The following DPP6 variants were observed in gnomAD, a reference collection of about 807,000 sequenced individuals.
DPP6 encodes the protein A-type potassium channel modulatory protein DPP6.
A neutral mutation model predicts 122.6 loss-of-function variants in DPP6; 69 were observed. The ratio of observed to expected loss-of-function variants is 0.56; its 90% CI spans 0.46 to 0.69. The LOEUF is 0.69. Among genes scored for constraint, DPP6 ranks in the 30% least tolerant of loss-of-function variants. DPP6 has a pLI of 0.00. For synonymous variants in DPP6, 418 were observed against 433.1 expected (o/e 0.97, Z 0.43); for missense variants, 928 against 1,116.9 (o/e 0.83, Z 2.41).
At chr7:154,235,848 T>C (rs962137921) in intron 1 of DPP6, among the ~76,000 whole-genome samples, 1 of 152,084 alleles carries the variant, frequency 6.6e-6, no homozygotes, top group Non-Finnish European at 1.5e-5. Flanking sequence ...TTCTTATCTT[T>C]ATTTTATTTA....
At chr7:154,112,660 A>G (rs1337890462) in intron 1 of DPP6, among the ~76,000 whole-genome samples, 1 of 152,122 alleles carries the variant, frequency 6.6e-6, no homozygotes, top group African/African-American at 2.4e-5. Context: ...AAGAAAAAAA[A>G]AAGGAATCTC....
chr7:154,187,744 A>T (rs981726211), intron 1 of DPP6, among the ~76,000 whole-genome samples: 1 of 152,008 alleles, frequency 6.6e-6, no homozygotes, highest in African/African-American at 2.4e-5. Context: ...CCTAAGCTTC[A>T]GTTTTTCTCA....
intron 1 of DPP6, among the ~76,000 whole-genome samples, chr7:154,408,432 T>C (rs1421836237): frequency 6.6e-6 from 1 of 152,066 alleles, no homozygotes; most frequent in Non-Finnish European, 1.5e-5. Context: ...ATGTGGTTAT[T>C]GTTTTTTTAA....
At chr7:154,085,951 C>T (rs1205445244) in intron 1 of DPP6, among the ~76,000 whole-genome samples, 3 of 152,024 alleles carry the variant, frequency 2.0e-5, no homozygotes, top group Non-Finnish European at 4.4e-5. Flanking sequence ...TCGTCTTGAA[C>T]TCCTGACCTC....
intron 1 of DPP6, among the ~76,000 whole-genome samples, chr7:154,190,249 C>A (rs1261276027): frequency 3.9e-5 from 6 of 152,154 alleles, no homozygotes; most frequent in Non-Finnish European, 5.9e-5. Flanking sequence ...GCCAGGAAAC[C>A]CTGATGCTGC....
rs1804598303 is a variant in DPP6 at position 154,282,648 on chromosome 7, G to T, written c.244-163566G>T. ...GAGTTGCTATCAAATCGCATATGTT[G>T]CATGCTTACTTGAAAGGAATTTGCA... On this transcript the variant is annotated intron_variant, in intron 1 of 25. Coordinates refer to ENST00000377770, the MANE Select transcript of DPP6 (RefSeq NM_130797.4). The surrounding 1 kb of genome is among the most constrained non-coding windows in gnomAD (Gnocchi z 4.8). Among the ~76,000 whole-genome samples the T allele has an allele frequency of 6.6e-6, 1 of 152,148 alleles. No individual in the cohort carries two copies. The highest frequency in any genetic ancestry group is 2.4e-5 in the African/African-American group (1 of 41,438).
At chr7:154,079,140 A>G (rs1406779568) in intron 1 of DPP6, among the ~76,000 whole-genome samples, 1 of 152,020 alleles carries the variant, frequency 6.6e-6, no homozygotes, top group Non-Finnish European at 1.5e-5. Flanking sequence ...GCCCACAGTG[A>G]GCTGAGATCG....
chr7:154,203,369 C>T (rs1195248511), intron 1 of DPP6, among the ~76,000 whole-genome samples: 1 of 152,208 alleles, frequency 6.6e-6, no homozygotes, highest in African/African-American at 2.4e-5. Flanking sequence ...CTACATGCCA[C>T]AGGCAGAGCC....
chr7:153,850,247 G>A, the DPP6 span, among the ~76,000 whole-genome samples: 2 of 152,260 alleles, frequency 1.3e-5, no homozygotes, highest in Middle Eastern at 3.4e-3. Flanking sequence ...GCCTGGCTGG[G>A]GAGAGATCTG....
intron 1 of DPP6, among the ~76,000 whole-genome samples, chr7:154,401,068 G>A (rs1815533140): frequency 6.6e-6 from 1 of 152,000 alleles, no homozygotes; most frequent in African/African-American, 2.4e-5. Flanking sequence ...GTGGTGGCAT[G>A]CACCTGTAAT....
chr7:154,796,768 C>A (rs1798073334), intron 12 of DPP6, among the ~76,000 whole-genome samples: 3 of 152,164 alleles, frequency 2.0e-5, no homozygotes, highest in Admixed American at 6.5e-5. Flanking sequence ...CAAGAACATT[C>A]CAGCACTATA....
At chr7:154,357,237 G>A (rs1811340543) in intron 1 of DPP6, among the ~76,000 whole-genome samples, 2 of 142,710 alleles carry the variant, frequency 1.4e-5, no homozygotes, top group African/African-American at 5.2e-5. Flanking sequence ...GGATATGCCT[G>A]TTTCATTAAT....
chr7:153,892,178 C>A (rs1799231290), intron 1 of DPP6, among the ~76,000 whole-genome samples: 1 of 152,162 alleles, frequency 6.6e-6, no homozygotes, highest in African/African-American at 2.4e-5. Context: ...GGGCATTTGA[C>A]CGTTTTGCTG....
intron 6 of DPP6, among the ~76,000 whole-genome samples, chr7:154,662,689 C>T (rs1331818663): frequency 3.0e-5 from 3 of 101,230 alleles, no homozygotes; most frequent in African/African-American, 3.7e-5. Context: ...GCGTATTGGG[C>T]GTAGTGTTCA....
chr7:154,847,496 C>T (rs1174921668), intron 16 of DPP6, among the ~76,000 whole-genome samples: 1 of 151,992 alleles, frequency 6.6e-6, no homozygotes, highest in Non-Finnish European at 1.5e-5. Flanking sequence ...TTGTTTTCCC[C>T]ATATTCTTTT....
At chr7:154,479,837 C>T (rs1412316642) in intron 3 of DPP6, among the ~76,000 whole-genome samples, 1 of 151,974 alleles carries the variant, frequency 6.6e-6, no homozygotes, top group Non-Finnish European at 1.5e-5. Flanking sequence ...CTGGCCCATT[C>T]CCTCTTTCTC....
chr7:154,758,277 G>A (rs956513168), intron 8 of DPP6, among the ~76,000 whole-genome samples: 3 of 152,162 alleles, frequency 2.0e-5, no homozygotes, highest in Admixed American at 6.5e-5. Context: ...CAGAAGGCCC[G>A]CAAGTTCATG....
intron 1 of DPP6, among the ~76,000 whole-genome samples, chr7:153,922,187 A>T (rs1402308408): frequency 2.0e-5 from 3 of 150,896 alleles, no homozygotes; most frequent in Non-Finnish European, 4.4e-5. Flanking sequence ...AAGTGGGTGT[A>T]CTTTTCTTTG....
chr7:153,842,197 G>A, the DPP6 span, among the ~76,000 whole-genome samples: 2 of 152,176 alleles, frequency 1.3e-5, no homozygotes, highest in Non-Finnish European at 2.9e-5. Context: ...TGCAGTCCAA[G>A]AAGCATTATT....
Sources: gnomAD v4.1 joint callset for allele counts (sites outside exome capture counted in the v4.1 genomes callset) on GRCh38, gnomAD v4.1.1 for gene constraint, Gnocchi (gnomAD v3.1) non-coding constraint, MANE v1.5 for transcripts, NCBI Gene and HGNC (gene_info 2026-07-23, HGNC 2026-07-21) for gene names.